The following KAZN variants were observed in gnomAD, a reference collection of about 807,000 sequenced individuals.
KAZN encodes the protein kazrin, periplakin interacting protein.
In KAZN, 40 loss-of-function variants were observed where a neutral mutation model predicts 87.4. The observed-to-expected ratio is 0.46, with a 90% confidence interval of 0.36 to 0.60. KAZN has a LOEUF of 0.60. Ranked by LOEUF, KAZN falls within the 20% of genes least tolerant of loss-of-function variation. The probability of loss-of-function intolerance (pLI) is 0.00; values close to 1 mark genes in which losing one functional copy is unlikely to be tolerated. For synonymous variants in KAZN, 466 were observed against 458.3 expected (o/e 1.02, Z -0.22); for missense variants, 898 against 1,073.9 (o/e 0.84, Z 2.29).
At chr1:14,652,086 G>T (rs1421686945) in intron 1 of KAZN, among the ~76,000 whole-genome samples, 1 of 152,172 alleles carries the variant, frequency 6.6e-6, no homozygotes, top group African/African-American at 2.4e-5. Flanking sequence ...ATATGTGAGG[G>T]CCACCTTCAG....
intron 2 of KAZN, among the ~76,000 whole-genome samples, chr1:14,970,636 C>T (rs1324377423): frequency 6.6e-6 from 1 of 152,186 alleles, no homozygotes; most frequent in Non-Finnish European, 1.5e-5. Flanking sequence ...GTCCCTGTCC[C>T]CCACACAGCC....
At chr1:14,330,833 A>G (rs917399865) in intron 2 of KAZN, among the ~76,000 whole-genome samples, 2 of 152,212 alleles carry the variant, frequency 1.3e-5, no homozygotes, top group African/African-American at 2.4e-5. Flanking sequence ...ATAAAACAAA[A>G]CTATATGTGT....
chr1:14,587,292 C>T (rs898678705), intron 2 of KAZN, among the ~76,000 whole-genome samples: 2 of 151,836 alleles, frequency 1.3e-5, no homozygotes, highest in African/African-American at 2.4e-5. Context: ...AAAAATCATC[C>T]GGGTGTGGTG....
chr1:15,044,414 G>A (rs375209136), intron 4 of KAZN, among the ~76,000 whole-genome samples: 4 of 152,090 alleles, frequency 2.6e-5, no homozygotes, highest in Non-Finnish European at 4.4e-5. Context: ...GTGTGGAGAC[G>A]CTGGGAAACC....
intron 2 of KAZN, among the ~76,000 whole-genome samples, chr1:14,544,039 A>T (rs1031784702): frequency 1.3e-5 from 2 of 152,174 alleles, no homozygotes; most frequent in Non-Finnish European, 2.9e-5. Context: ...TGAAATGCAT[A>T]TTTTTTCCAA....
intron 1 of KAZN, among the ~76,000 whole-genome samples, chr1:14,034,789 A>C (rs1641476903): frequency 6.6e-6 from 1 of 152,154 alleles, no homozygotes; most frequent in South Asian, 2.1e-4. Flanking sequence ...TGATTCCTTG[A>C]TTATCAGTGG....
At chr1:14,078,873 C>T (rs113117183) in intron 1 of KAZN, among the ~76,000 whole-genome samples, 1,754 of 152,176 alleles carry the variant, frequency 0.012, 36 homozygotes, top group African/African-American at 0.04. Flanking sequence ...TTAGTAGAGA[C>T]GGGATTTCAC....
At chr1:14,786,198 C>G (rs1645504232) in intron 1 of KAZN, among the ~76,000 whole-genome samples, 2 of 152,222 alleles carry the variant, frequency 1.3e-5, no homozygotes, top group African/African-American at 4.8e-5. Flanking sequence ...TAAAAACAGT[C>G]TAAATCTGAT....
chr1:14,335,756 C>CAGAG lies in KAZN; in HGVS notation c.249+155165_249+155166insGAGA, dbSNP rs201454445. On this transcript the variant is annotated intron_variant, in intron 2 of 16. Coordinates refer to the KAZN transcript ENST00000636203. ...AGGCGTGCATGTGCGCGCACACACA[C>CAGAG]ACACAGAGAGAGAGAGAGAGAGAGA... Among the ~76,000 whole-genome samples the CAGAG allele has an allele frequency of 6.3e-3, 950 of 150,942 alleles. 32 individuals are homozygous for CAGAG. In the East Asian group the frequency reaches 0.11, roughly 18 times the overall value.
At chr1:14,727,694 G>A (rs1458092533) in intron 1 of KAZN, among the ~76,000 whole-genome samples, 4 of 151,530 alleles carry the variant, frequency 2.6e-5, no homozygotes, top group South Asian at 2.1e-4. Context: ...TCGAACTCCC[G>A]ACCTGAGGTA....
At chr1:13,930,005 T>C (rs2100930796) in intron 1 of KAZN, among the ~76,000 whole-genome samples, 1 of 152,324 alleles carries the variant, frequency 6.6e-6, no homozygotes, top group South Asian at 2.1e-4. Flanking sequence ...AATCAGTCTT[T>C]AGAGTCTAAC....
chr1:14,307,382 T>G (rs1276203061), intron 2 of KAZN, among the ~76,000 whole-genome samples: 1 of 152,190 alleles, frequency 6.6e-6, no homozygotes, highest in Non-Finnish European at 1.5e-5. Flanking sequence ...TTTGGGTTGC[T>G]TCTCCCTTTC....
intron 13 of KAZN, among the ~76,000 whole-genome samples, chr1:15,109,805 G>GTATA (rs1641435148): frequency 1.5e-5 from 2 of 130,154 alleles, no homozygotes; most frequent in African/African-American, 5.7e-5. Flanking sequence ...ATGTGTATGT[G>GTATA]TGTGTTGTAT....
chr1:14,541,100 C>G (rs1384301322), intron 2 of KAZN, among the ~76,000 whole-genome samples: 1 of 152,144 alleles, frequency 6.6e-6, no homozygotes, highest in African/African-American at 2.4e-5. Flanking sequence ...TTATCTTTTT[C>G]AAAGAAAGTA....
chr1:14,172,188 A>C (rs1204201424), intron 1 of KAZN, among the ~76,000 whole-genome samples: 2 of 152,210 alleles, frequency 1.3e-5, no homozygotes, highest in Non-Finnish European at 2.9e-5. Flanking sequence ...AATTTCCTAA[A>C]CTCAGGTAGG....
In KAZN at chr1:14,484,445, T is replaced by TAATAC. The variant is rs1669244190; in HGVS notation, c.250-114537_250-114536insATACA. ...ATTCGTGTTTCAAAATATCAGGTTGTATACCATGAATATGTACAATTTTTA... is the reference window on the plus strand; with the variant it reads ...ATTCGTGTTTCAAAATATCAGGTTGTAATACATACCATGAATATGTACAATTTTTA... On this transcript the variant is annotated intron_variant, in intron 2 of 16. Transcript: ENST00000636203. 3.3e-5 allele frequency among the ~76,000 whole-genome samples: 5 copies of TAATAC among 152,248 alleles called. 1 individual carries two copies. The South Asian group carries it at 1.0e-3, about 32-fold the overall frequency.
intron 1 of KAZN, among the ~76,000 whole-genome samples, chr1:14,028,714 C>T (rs541908012): frequency 6.6e-6 from 1 of 152,304 alleles, no homozygotes; most frequent in African/African-American, 2.4e-5. Flanking sequence ...TAAAAGCTAG[C>T]TCCTGTCCAT....
chr1:14,680,512 A>G (rs1313056101), intron 1 of KAZN, among the ~76,000 whole-genome samples: 1 of 152,098 alleles, frequency 6.6e-6, no homozygotes, highest in Admixed American at 6.6e-5. Flanking sequence ...TTTGCTACAC[A>G]GGTATATATG....
At chr1:14,582,626 C>T (rs779322211) in intron 2 of KAZN, among the ~76,000 whole-genome samples, 3 of 152,168 alleles carry the variant, frequency 2.0e-5, no homozygotes, top group Non-Finnish European at 4.4e-5. Flanking sequence ...AGGTGGGGCT[C>T]ATCCCCTTCA....
Sources: gnomAD v4.1 joint callset for allele counts (sites outside exome capture counted in the v4.1 genomes callset) on GRCh38, gnomAD v4.1.1 for gene constraint, MANE v1.5 for transcripts, NCBI Gene and HGNC (gene_info 2026-07-23, HGNC 2026-07-21) for gene names.